ADAM20: variants seen among roughly 807,000 people sequenced by gnomAD.
The protein encoded by ADAM20 is ADAM metallopeptidase domain 20.
For missense variants in ADAM20, 871 were observed against 883.2 expected (o/e 0.99, Z 0.18); for synonymous variants, 305 against 310.2 (o/e 0.98, Z 0.18).
chr14:70,525,150 C>T (rs572676460), intron 1 of ADAM20, among the ~76,000 whole-genome samples: 2 of 152,202 alleles, frequency 1.3e-5, no homozygotes, highest in East Asian at 3.9e-4. Context: ...TCATTATATA[C>T]TGTTCTTAAA....
At chr14:70,576,946 T>G in the ADAM20 span, among the ~76,000 whole-genome samples, 1 of 152,044 alleles carries the variant, frequency 6.6e-6, no homozygotes, top group South Asian at 2.1e-4. Flanking sequence ...TTTCCCACAG[T>G]AAATGTTCCC....
chr14:70,543,831 T>C, the ADAM20 span, among the ~76,000 whole-genome samples: 2,350 of 152,240 alleles, frequency 0.015, 73 homozygotes, highest in Admixed American at 0.078. Flanking sequence ...CCATCCCTCG[T>C]CCTTTTTATA....
intron 1 of ADAM20, among the ~76,000 whole-genome samples, chr14:70,533,054 C>T (rs887379287): frequency 6.6e-6 from 1 of 152,090 alleles, no homozygotes; most frequent in African/African-American, 2.4e-5. Context: ...CTTCTGATAC[C>T]ATCTCATGCC....
chr14:70,542,092 CCTTTGTTTTGCTTTT>C, the ADAM20 span, among the ~76,000 whole-genome samples: 1 of 148,022 alleles, frequency 6.8e-6, no homozygotes, highest in East Asian at 1.9e-4. Context: ...TATTGCTAAT[CCTTTGTTTTGCTTTT>C]CAAAGTCAAA....
chr14:70,570,068 A>G, the ADAM20 span, among the ~76,000 whole-genome samples: 2 of 152,070 alleles, frequency 1.3e-5, no homozygotes, highest in Admixed American at 6.5e-5. Context: ...AGCAAGTCTC[A>G]ATAAATGCAA....
intron 1 of ADAM20, among the ~76,000 whole-genome samples, chr14:70,530,775 C>A (rs1398864853): frequency 6.6e-6 from 1 of 151,428 alleles, no homozygotes; most frequent in Non-Finnish European, 1.5e-5. Flanking sequence ...GGGAAATTAG[C>A]AAATATCTTG....
At chr14:70,577,281 A>C in the ADAM20 span, among the ~76,000 whole-genome samples, 1 of 152,208 alleles carries the variant, frequency 6.6e-6, no homozygotes, top group African/African-American at 2.4e-5. Context: ...ATCATGAAAA[A>C]GTGGGGTTTA....
chr14:70,547,068 A>C, the ADAM20 span, among the ~76,000 whole-genome samples: 3 of 152,246 alleles, frequency 2.0e-5, no homozygotes, highest in Admixed American at 1.3e-4. Context: ...ACTATGAGCA[A>C]CTATATGCCA....
chr14:70,546,453 C>G, the ADAM20 span, among the ~76,000 whole-genome samples: 2 of 152,098 alleles, frequency 1.3e-5, no homozygotes, highest in Admixed American at 1.3e-4. Context: ...AAGGTGGGGA[C>G]AACTCAAAGC....
At chr14:70,570,967 A>T in the ADAM20 span, among the ~76,000 whole-genome samples, 6 of 152,212 alleles carry the variant, frequency 3.9e-5, no homozygotes, top group Non-Finnish European at 7.3e-5. Context: ...ACACAAATCA[A>T]TATTATTCAC....
At chr14:70,526,664 T>C (rs1038528033) in intron 1 of ADAM20, among the ~76,000 whole-genome samples, 1 of 152,206 alleles carries the variant, frequency 6.6e-6, no homozygotes, top group Non-Finnish European at 1.5e-5. Context: ...TTGTCATCAA[T>C]GCATTACTCC....
At chr14:70,567,621 C>A in the ADAM20 span, among the ~76,000 whole-genome samples, 2 of 152,058 alleles carry the variant, frequency 1.3e-5, no homozygotes, top group African/African-American at 4.8e-5. Flanking sequence ...CAAAGTAAGC[C>A]CATGCTGCAT....
the ADAM20 span, among the ~76,000 whole-genome samples, chr14:70,540,737 G>A: frequency 6.6e-6 from 1 of 152,116 alleles, no homozygotes; most frequent in Non-Finnish European, 1.5e-5. Context: ...CATGAAGGAA[G>A]TTTGCTTTGG....
chr14:70,534,571 G>A (rs1883790640), intron 1 of ADAM20, among the ~76,000 whole-genome samples: 1 of 152,132 alleles, frequency 6.6e-6, no homozygotes, highest in South Asian at 2.1e-4. Flanking sequence ...CCAGTCACAG[G>A]ACAAATACAG....
At chr14:70,545,403 A>G in the ADAM20 span, among the ~76,000 whole-genome samples, 1 of 152,332 alleles carries the variant, frequency 6.6e-6, no homozygotes, top group Non-Finnish European at 1.5e-5. Context: ...CATGGCAGAA[A>G]GCAGAACTGG....
chr14:70,528,290 C>A (rs1339788601), intron 1 of ADAM20, among the ~76,000 whole-genome samples: 2 of 152,148 alleles, frequency 1.3e-5, no homozygotes, highest in African/African-American at 4.8e-5. Flanking sequence ...GAGTTTGGAA[C>A]AACAATTGGG....
At chr14:70,545,892 T>C in the ADAM20 span, among the ~76,000 whole-genome samples, 1 of 152,224 alleles carries the variant, frequency 6.6e-6, no homozygotes, top group African/African-American at 2.4e-5. Flanking sequence ...GAACATTTCA[T>C]CTAATGGCTA....
At chr14:70,562,332 T>C in the ADAM20 span, among the ~76,000 whole-genome samples, 3 of 152,214 alleles carry the variant, frequency 2.0e-5, no homozygotes, top group Admixed American at 6.5e-5. Flanking sequence ...TGTATCTCCA[T>C]TGTATCTTGG....
At chr14:70,566,232 A>C in the ADAM20 span, among the ~76,000 whole-genome samples, 1 of 152,210 alleles carries the variant, frequency 6.6e-6, no homozygotes, top group African/African-American at 2.4e-5. Context: ...TAAAAGACAA[A>C]AGTACTAAGA....
Sources: gnomAD v4.1 joint callset for allele counts (sites outside exome capture counted in the v4.1 genomes callset) on GRCh38, gnomAD v4.1.1 for gene constraint, MANE v1.5 for transcripts, NCBI Gene and HGNC (gene_info 2026-07-23, HGNC 2026-07-21) for gene names.